NBPF15: variants seen among roughly 807,000 people sequenced by gnomAD.
NBPF15 encodes NBPF family member NBPF15.
A neutral mutation model predicts 62.2 loss-of-function variants in NBPF15; 74 were observed. That is an observed-to-expected ratio of 1.19 (90% CI 0.99 to 1.44). The LOEUF is 1.44. Among genes scored for constraint, NBPF15 ranks in the 40% most tolerant of loss-of-function variants. NBPF15 has a pLI of 0.00. For missense variants in NBPF15, 790 were observed against 550.0 expected, an observed-to-expected ratio of 1.44 and a Z score of -4.36; for synonymous variants, 244 against 209.7, an observed-to-expected ratio of 1.16 and a Z score of -1.41.
chr1:144,447,112 G>A (rs1450556102), intron 6 of NBPF15, among the ~76,000 whole-genome samples: 75 of 152,338 alleles, frequency 4.9e-4, no homozygotes, highest in African/African-American at 1.5e-3. Flanking sequence ...CAAGTCCCAC[G>A]GCCTGTCCTC....
intron 16 of NBPF15, 86 bp from the exon 17 acceptor site, chr1:144,427,184 C>G: frequency 1.6e-6 from 1 of 610,172 alleles, no homozygotes; most frequent in Non-Finnish European, 2.9e-6. Context: ...CACACAGGGA[C>G]TTCAGGCTCC....
intron 3 of NBPF15, among the ~76,000 whole-genome samples, chr1:144,458,900 G>A (rs1449695993): frequency 6.6e-6 from 1 of 151,712 alleles, no homozygotes; most frequent in East Asian, 1.9e-4. Flanking sequence ...ATTAAGCCAG[G>A]CATGGTGGCA....
chr1:144,425,473 C>T (rs1553539096), intron 19 of NBPF15, 44 bp downstream of exon 19: 1 of 362,458 alleles, frequency 2.8e-6, no homozygotes, highest in South Asian at 2.2e-5. Context: ...CCAGGAGTCT[C>T]CAGATGTCAA....
rs1240935083 is a variant in NBPF15, at chr1:144,422,793, T to C, written c.*220A>G. 45 of 1,158,936 alleles carry C rather than the reference T, an allele frequency of 3.9e-5. No homozygotes were observed. Among genetic ancestry groups the C allele is most frequent in the Non-Finnish European group, 5.4e-5 (45 of 826,826 alleles). The allele number at this position is 1,158,936 out of a possible 1,614,324, so 71.8% of individuals were successfully genotyped here. Reference sequence around the variant, plus strand: ...TGTCTGACTGATCACTCCCGGCATGTTCTGCACAGTTATGTGAACGTGTCA... The same window carrying C: ...TGTCTGACTGATCACTCCCGGCATGCTCTGCACAGTTATGTGAACGTGTCA... On this transcript the variant is annotated 3_prime_UTR_variant, in exon 22 of 22. Coordinates refer to ENST00000581897, the MANE Select transcript of NBPF15 (RefSeq NM_001385408.1).
At chr1:144,444,153 G>A (rs1488593458) in intron 6 of NBPF15, among the ~76,000 whole-genome samples, 2 of 151,166 alleles carry the variant, frequency 1.3e-5, no homozygotes, top group African/African-American at 4.9e-5. Flanking sequence ...CCGCGTTTGG[G>A]CTATTATGAA....
At chr1:144,446,049 G>A (rs1233371784) in intron 6 of NBPF15, among the ~76,000 whole-genome samples, 1 of 149,968 alleles carries the variant, frequency 6.7e-6, no homozygotes, top group Non-Finnish European at 1.5e-5. Flanking sequence ...TAGAGATGGG[G>A]TTTCACTGTT....
At chr1:144,440,456 T>A (rs1358361079) in intron 6 of NBPF15, 161 bp from the exon 7 acceptor site, 2 of 537,414 alleles carry the variant, frequency 3.7e-6, no homozygotes, top group Admixed American at 6.8e-5. Context: ...TCAGTATTCG[T>A]GTACCCTTGT....
At chr1:144,423,777 G>C (rs1667488963) in intron 21 of NBPF15, 93 bp downstream of exon 21, 1 of 718,172 alleles carries the variant, frequency 1.4e-6, no homozygotes, top group Non-Finnish European at 2.5e-6. Flanking sequence ...AGCCTTCGTT[G>C]AAAACATGAC....
chr1:144,460,620 CTG>C (rs1652063104), intron 2 of NBPF15, among the ~76,000 whole-genome samples: 1 of 151,266 alleles, frequency 6.6e-6, no homozygotes, highest in South Asian at 2.1e-4. Flanking sequence ...ATGAACAACA[CTG>C]TAACCCAAAG....
chr1:144,444,086 G>A (rs1222040281), intron 6 of NBPF15, among the ~76,000 whole-genome samples: 3,445 of 151,526 alleles, frequency 0.023, 82 homozygotes, highest in Middle Eastern at 0.069. Context: ...GTATTCCTTC[G>A]TGTGGCTATA....
Position 144,423,066 on chromosome 1 carries a change from T to G in NBPF15, c.1960A>C (p.Thr654Pro), listed in dbSNP as rs375495678. ...AACACCAGGTGGAGACTTGTCACCG[T>G]CAAAGTAAAAAACCTATTGTCCACG... ...LYVDNRFFTLTVTSLHLVFQM... is the reference protein window; with the variant it reads ...LYVDNRFFTLPVTSLHLVFQM... The change falls in exon 22 of 22, where the codon ACG becomes CCG. Residue 654 changes from threonine to proline, a missense_variant. Thr to Pro is a conservative substitution (Grantham distance 38). Transcript: ENST00000581897. 1 of 1,611,614 alleles carries G rather than the reference T, an allele frequency of 6.2e-7. No homozygotes were observed. Among genetic ancestry groups the G allele is most frequent in the South Asian group, 1.1e-5 (1 of 90,964 alleles).
chr1:144,436,688 G>C (rs1678677311), intron 10 of NBPF15, among the ~76,000 whole-genome samples: 1 of 151,998 alleles, frequency 6.6e-6, no homozygotes, highest in African/African-American at 2.4e-5. Context: ...CTTCCATCAA[G>C]GGAGGAGGGA....
rs782358515 is a variant in NBPF15, at chr1:144,423,100, G to A, written c.1926C>T (p.Phe642=). ...AAAACCTATTGTCCACGTAAAGGGCGAAGCTGATATGCTCTTCCTCAAATG... is the reference window on the plus strand; with the variant it reads ...AAAACCTATTGTCCACGTAAAGGGCAAAGCTGATATGCTCTTCCTCAAATG... ...FYSFEEEHIS[F]ALYVDNRFFT... The change falls in exon 22 of 22, where the codon TTC becomes TTT. Residue 642 remains phenylalanine (F), a synonymous_variant. Coordinates refer to ENST00000581897, the MANE Select transcript of NBPF15 (RefSeq NM_001385408.1). 6.6e-5 allele frequency: 106 copies of A among 1,611,652 alleles called. No homozygotes were observed. Among genetic ancestry groups the A allele is most frequent in the East Asian group, 1.8e-4 (8 of 44,870 alleles).
In NBPF15 at chr1:144,445,486, AT is replaced by A. The variant is rs587647156; in HGVS notation, c.-191+3288del. On this transcript the variant is annotated intron_variant, in intron 6 of 21. Coordinates refer to ENST00000581897, the MANE Select transcript of NBPF15 (RefSeq NM_001385408.1). ...TCTCTCTTCCACTGATATATATTCC[AT>A]TTTTTTTTTCAACAAAACACATAAT... Among the ~76,000 whole-genome samples the A allele has an allele frequency of 3.6e-3, 510 of 140,554 alleles. 6 individuals are homozygous for A. In the South Asian group the frequency reaches 0.042, roughly 12 times the overall value. 92.2% of individuals were successfully genotyped at this position (140,554 alleles called of 152,430 possible).
In NBPF15 at chr1:144,461,365, C is replaced by T. The variant is rs1219454087; in HGVS notation, c.-938+16G>A. ...GCAGCTCGACCCAGCTGTGTACCCG[C>T]GGGTCCCGGACTCACCGCCCGCCCG... On this transcript the variant is annotated intron_variant, in intron 1 of 21. Transcript: ENST00000581897. The T allele has an allele frequency of 3.3e-5, 5 of 151,730 alleles. No individual in the cohort carries two copies. Among genetic ancestry groups the T allele is most frequent in the African/African-American group, 1.2e-4 (5 of 41,292 alleles). The allele number at this position is 151,730 out of a possible 1,614,324, so 9.4% of individuals were successfully genotyped here. A position where few individuals can be genotyped will look rare whatever the true frequency, so the allele number is the denominator to read the frequency against.
At chr1:144,453,630 A>T (rs1170716578) in intron 4 of NBPF15, among the ~76,000 whole-genome samples, 10 of 133,298 alleles carry the variant, frequency 7.5e-5, no homozygotes, top group Non-Finnish European at 1.4e-4. Flanking sequence ...GAACTAAACA[A>T]CACAAAGCAA....
intron 13 of NBPF15, among the ~76,000 whole-genome samples, chr1:144,432,473 G>A (rs1231577558): frequency 2.0e-5 from 3 of 152,006 alleles, no homozygotes; most frequent in African/African-American, 7.2e-5. Flanking sequence ...AACCTTAAAT[G>A]TAAATGGGCT....
chr1:144,427,858 T>G lies in NBPF15; in HGVS notation c.1173A>C (p.Val391=), dbSNP rs1236155680. 5 of 692,978 alleles carry G rather than the reference T, an allele frequency of 7.2e-6. No homozygotes were observed. The highest frequency in any genetic ancestry group is 1.3e-5 in the Non-Finnish European group (5 of 379,498). 42.9% of individuals were successfully genotyped at this position (692,978 alleles called of 1,614,324 possible). ...CCAAGCCAACACGCTGTTGCTCCAATACGTAAAAGGCACTTCTGTAGGGCT... is the reference window on the plus strand; with the variant it reads ...CCAAGCCAACACGCTGTTGCTCCAAGACGTAAAAGGCACTTCTGTAGGGCT... ...SCQPYRSAFY[V]LEQQRVGLAI... Residue 391 remains valine (V), a synonymous_variant, in exon 16 of 22, where the codon GTA becomes GTC. Transcript: ENST00000581897.
chr1:144,427,422 C>T (rs1283699426), intron 16 of NBPF15, among the ~76,000 whole-genome samples: 1 of 146,964 alleles, frequency 6.8e-6, no homozygotes, highest in East Asian at 2.0e-4. Context: ...AAAAACTGCA[C>T]TATTCAGCCC....
Sources: gnomAD v4.1 joint callset for allele counts (sites outside exome capture counted in the v4.1 genomes callset) on GRCh38, gnomAD v4.1.1 for gene constraint, MANE v1.5 for transcripts, NCBI Gene and HGNC (gene_info 2026-07-23, HGNC 2026-07-21) for gene names.